TFAP2E: variants seen among roughly 807,000 people sequenced by gnomAD.
TFAP2E encodes the protein transcription factor AP-2 epsilon.
A neutral mutation model predicts 37.9 loss-of-function variants in TFAP2E; 30 were observed. The observed-to-expected ratio is 0.79, with a 90% CI of 0.59 to 1.07. TFAP2E has a LOEUF of 1.07. Ranked by LOEUF, TFAP2E falls within the 50% of genes least tolerant of loss-of-function variation. The probability of loss-of-function intolerance (pLI) is 0.00; values close to 1 mark genes in which losing one functional copy is unlikely to be tolerated. For synonymous variants in TFAP2E, 318 were observed against 295.8 expected, an observed-to-expected ratio of 1.08 and a Z score of -0.77; for missense variants, 567 against 637.9, an observed-to-expected ratio of 0.89 and a Z score of 1.20.
rs1395109503 is a variant in TFAP2E at position 35,574,426 on chromosome 1, C to T, written c.510+17C>T. The T allele has an allele frequency of 2.1e-6, 3 of 1,397,322 alleles. No homozygotes were observed. Among genetic ancestry groups the T allele is most frequent in the Non-Finnish European group, 9.2e-7 (1 of 1,083,332 alleles). 86.6% of individuals were successfully genotyped at this position (1,397,322 alleles called of 1,614,324 possible). On this transcript the variant is annotated intron_variant, in intron 2 of 6. Transcript: ENST00000373235. ...GACCTGCAGGTGAGACCCGAGGGAT[C>T]CGGGATGGGTCGGGACTGGCCGCGG...
In TFAP2E at chr1:35,577,111, A is replaced by T. The variant is rs1442969486; in HGVS notation, c.562+2111A>T. 6.6e-6 allele frequency among the ~76,000 whole-genome samples: 1 copy of T among 152,188 alleles called. No individual in the cohort carries two copies. The highest frequency in any genetic ancestry group is 1.5e-5 in the Non-Finnish European group (1 of 68,032). ...GACCTGAGCGGAGACTGCGCCCTGG[A>T]CGCCCCAGCCTAGACGTCAAGTTAC... On this transcript the variant is annotated intron_variant, in intron 3 of 6. Coordinates refer to ENST00000373235, the MANE Select transcript of TFAP2E (RefSeq NM_178548.4). The surrounding 1 kb of genome is among the most constrained non-coding windows in gnomAD (Gnocchi z 6.3).
chr1:35,578,889 C>A (rs1041388304), intron 3 of TFAP2E, among the ~76,000 whole-genome samples: 1 of 151,482 alleles, frequency 6.6e-6, no homozygotes, highest in Non-Finnish European at 1.5e-5. Context: ...TCGAGACCAG[C>A]CTGGCCAAGA....
Position 35,588,029 on chromosome 1 carries a change from C to T in TFAP2E, c.563-301C>T, listed in dbSNP as rs933516414. 2.0e-5 allele frequency among the ~76,000 whole-genome samples: 3 copies of T among 152,174 alleles called. No individual in the cohort carries two copies. Among genetic ancestry groups the T allele is most frequent in the Non-Finnish European group, 4.4e-5 (3 of 68,028 alleles). ...CCAGGGGTCCTGCCTCCAGCTCACA[C>T]TCATATCCTTACATCCAGGTCCCTC... is the stretch of plus-strand genomic sequence containing the variant. On this transcript the variant is annotated intron_variant, in intron 3 of 6. Transcript: ENST00000373235. The surrounding 1 kb of genome is among the most constrained non-coding windows in gnomAD (Gnocchi z 5.1).
chr1:35,574,556 C>T, intron 2 of TFAP2E, 147 bp downstream of exon 2: 7 of 1,319,744 alleles, frequency 5.3e-6, no homozygotes, highest in Non-Finnish European at 6.9e-6. Context: ...TGTCCCACCT[C>T]CTGGGTTAGA....
In TFAP2E at chr1:35,594,966, T is replaced by G. The variant is rs1200321111; in HGVS notation, c.*290T>G. Reference sequence around the variant, plus strand: ...GAAAATTGACATGAAAAGATCTGGCTCATGGGGCAGAGCCCTTTCCATTAG... The same window carrying G: ...GAAAATTGACATGAAAAGATCTGGCGCATGGGGCAGAGCCCTTTCCATTAG... On this transcript the variant is annotated 3_prime_UTR_variant, in exon 7 of 7. Coordinates refer to ENST00000373235, the MANE Select transcript of TFAP2E (RefSeq NM_178548.4). The G allele has an allele frequency of 2.2e-6, 1 of 462,402 alleles. No individual in the cohort carries two copies. The highest frequency in any genetic ancestry group is 4.3e-5 in the East Asian group (1 of 23,262). 28.6% of individuals were successfully genotyped at this position (462,402 alleles called of 1,614,324 possible). A position where few individuals can be genotyped will look rare whatever the true frequency, so the allele number is the denominator to read the frequency against.
chr1:35,582,838 T>C (rs904888215), intron 3 of TFAP2E, among the ~76,000 whole-genome samples: 5 of 152,158 alleles, frequency 3.3e-5, no homozygotes, highest in African/African-American at 1.2e-4. Flanking sequence ...TTCTTAATAA[T>C]ATCTTTTGAG....
At position 35,588,365 on chromosome 1, in the gene TFAP2E, C is replaced by A; in HGVS notation, c.598C>A (p.Leu200Ile). 1 of 1,613,608 alleles carries A rather than the reference C, an allele frequency of 6.2e-7. No individual in the cohort carries two copies. Residue 200 changes from leucine (L) to isoleucine (I), a missense_variant, in exon 4 of 7, where the codon CTC becomes ATC. Around this residue, in one of 3 missense-constraint regions of TFAP2E, gnomAD observed 312 missense variants for 317.4 expected, o/e 0.98. Coordinates refer to ENST00000373235, the MANE Select transcript of TFAP2E (RefSeq NM_178548.4). The surrounding 1 kb of genome is among the most constrained non-coding windows in gnomAD (Gnocchi z 5.1). ...IPSKASSLSA[L>I]SLAKDSLVGG... is the part of the protein sequence containing the mutation. ...CTCCAAAGCCAGCAGCCTCTCAGCC[C>A]TCTCCTTGGCCAAAGACAGCCTGGT...
rs372241020 is a variant in TFAP2E, at chr1:35,590,704, C to T, written c.975C>T (p.Ala325=). Residue 325 remains alanine (A), a synonymous_variant, in exon 6 of 7, where the codon GCC becomes GCT. Coordinates refer to ENST00000373235, the MANE Select transcript of TFAP2E (RefSeq NM_178548.4). This position sits in a 1 kb window ranked among gnomAD's most constrained non-coding sequence, Gnocchi z 6.2. The part of the protein sequence containing the change: ...CETEFPAKAA[A]EYLCRQHADP... ...CGGAGTTCCCAGCCAAGGCAGCTGC[C>T]GAGTACCTGTGCCGACAGCACGCTG... 47 of 1,556,446 alleles carry T rather than the reference C, an allele frequency of 3.0e-5. No individual in the cohort carries two copies. The highest frequency in any genetic ancestry group is 2.3e-4 in the African/African-American group (17 of 73,800).
In TFAP2E at chr1:35,574,386, GC is replaced by G. The variant is rs1240369152; in HGVS notation, c.492del (p.Gly165ValfsTer13). ...TCTCGGCCTTCCGGGGCTGGCGGCG[GC>G]CCCCGGTCTGGAGGACCTGCAGGTG... ...APLGLPGLAA[A>X]PGLEDLQAMD... On this transcript the variant is annotated frameshift_variant, in exon 2 of 7. Coordinates refer to ENST00000373235, the MANE Select transcript of TFAP2E (RefSeq NM_178548.4). LOFTEE classifies it high-confidence loss of function. 3.5e-5 allele frequency: 50 copies of G among 1,435,190 alleles called. No homozygotes were observed. Among genetic ancestry groups the G allele is most frequent in the Admixed American group, 1.5e-4 (5 of 32,592 alleles). The allele number at this position is 1,435,190 out of a possible 1,614,324, so 88.9% of individuals were successfully genotyped here. A position where few individuals can be genotyped will look rare whatever the true frequency, so the allele number is the denominator to read the frequency against.
Position 35,594,993 on chromosome 1 carries a change from G to T in TFAP2E, c.*317G>T. 1 of 368,904 alleles carries T rather than the reference G, an allele frequency of 2.7e-6. No individual in the cohort carries two copies. Among genetic ancestry groups the T allele is most frequent in the South Asian group, 3.0e-5 (1 of 32,916 alleles). The allele number at this position is 368,904 out of a possible 1,614,324, so 22.9% of individuals were successfully genotyped here. Reference sequence around the variant, plus strand: ...ATGGGGCAGAGCCCTTTCCATTAGCGTGGCTGGGTGGCCGTGGGTGCTTCT... The same window carrying T: ...ATGGGGCAGAGCCCTTTCCATTAGCTTGGCTGGGTGGCCGTGGGTGCTTCT... On this transcript the variant is annotated 3_prime_UTR_variant, in exon 7 of 7. Coordinates refer to ENST00000373235, the MANE Select transcript of TFAP2E (RefSeq NM_178548.4).
intron 6 of TFAP2E, among the ~76,000 whole-genome samples, chr1:35,592,961 T>A (rs554744442): frequency 4.9e-4 from 75 of 152,150 alleles, no homozygotes; most frequent in African/African-American, 1.7e-3. Flanking sequence ...AATTTCAACA[T>A]ACGAATTTTG....
chr1:35,591,051 A>G (rs1460654747), intron 6 of TFAP2E, among the ~76,000 whole-genome samples: 5 of 152,006 alleles, frequency 3.3e-5, no homozygotes, highest in Non-Finnish European at 7.4e-5. Context: ...GAGCACACAC[A>G]CGTACCTGCG....
intron 3 of TFAP2E, among the ~76,000 whole-genome samples, chr1:35,584,701 CTAATTTTTG>C (rs1649437566): frequency 6.6e-6 from 1 of 151,556 alleles, no homozygotes; most frequent in Admixed American, 6.6e-5. Flanking sequence ...TCACGCCGGG[CTAATTTTTG>C]TATTTTTTGT....
chr1:35,591,718 C>T (rs1434424904), intron 6 of TFAP2E, among the ~76,000 whole-genome samples: 12 of 152,206 alleles, frequency 7.9e-5, no homozygotes, highest in Admixed American at 7.9e-4. Context: ...TGGAGTTTCG[C>T]TCTTGTTTCC....
intron 3 of TFAP2E, among the ~76,000 whole-genome samples, chr1:35,580,672 G>A (rs1649324090): frequency 6.6e-6 from 1 of 152,056 alleles, no homozygotes; most frequent in Admixed American, 6.5e-5. Context: ...CTACTCGGGA[G>A]GCTGAGGCAG....
rs184864003 is a variant in TFAP2E, at chr1:35,593,357, T to C, written c.1047-1037T>C. Among the ~76,000 whole-genome samples the C allele has an allele frequency of 2.3e-3, 355 of 152,234 alleles. 3 individuals carry two copies. The highest frequency in any genetic ancestry group is 4.0e-3 in the Non-Finnish European group (274 of 67,990). ...GAGAGATAAATCTGAGAACTACCAG[T>C]TGGTAGGCTAAAGTTCAAACTCTTT... On this transcript the variant is annotated intron_variant, in intron 6 of 6. Transcript: ENST00000373235.
rs1649081898 is a variant in TFAP2E at position 35,573,829 on chromosome 1, GACTGCA to G, written c.28-97_28-92del. 1.4e-6 allele frequency: 2 copies of G among 1,385,194 alleles called. No homozygotes were observed. Among genetic ancestry groups the G allele is most frequent in the Non-Finnish European group, 1.9e-6 (2 of 1,070,992 alleles). The allele number at this position is 1,385,194 out of a possible 1,614,324, so 85.8% of individuals were successfully genotyped here. On this transcript the variant is annotated intron_variant, in intron 1 of 6. Coordinates refer to ENST00000373235, the MANE Select transcript of TFAP2E (RefSeq NM_178548.4). The surrounding 1 kb of genome is among the most constrained non-coding windows in gnomAD (Gnocchi z 5.9). ...ACCTCGGGCCCCAAGAAACGGGAGG[GACTGCA>G]GCTGAACCCTCCCGAGCTGAGGAGG...
chr1:35,581,974 C>T (rs1465981376), intron 3 of TFAP2E, among the ~76,000 whole-genome samples: 3 of 152,046 alleles, frequency 2.0e-5, no homozygotes, highest in Non-Finnish European at 4.4e-5. Context: ...CTCCTGGGTT[C>T]AAGCAATTCT....
rs1649618965 is a variant in TFAP2E at position 35,590,247 on chromosome 1, T to A, written c.904+199T>A. ...TGTGTAGTCCTTGTACATGTGTGCA[T>A]GCATGTGCAATGGAGACCTACTTGC... On this transcript the variant is annotated intron_variant, in intron 5 of 6. Coordinates refer to ENST00000373235, the MANE Select transcript of TFAP2E (RefSeq NM_178548.4). This position sits in a 1 kb window ranked among gnomAD's most constrained non-coding sequence, Gnocchi z 6.2. Among the ~76,000 whole-genome samples, 1 of 152,180 alleles carries A rather than the reference T, an allele frequency of 6.6e-6. No homozygotes were observed. Among genetic ancestry groups the A allele is most frequent in the African/African-American group, 2.4e-5 (1 of 41,448 alleles).
Sources: gnomAD v4.1 joint callset for allele counts (sites outside exome capture counted in the v4.1 genomes callset) on GRCh38, gnomAD v4.1.1 for gene constraint, gnomAD v4.1.1 regional missense constraint, Gnocchi (gnomAD v3.1) non-coding constraint, MANE v1.5 for transcripts, NCBI Gene and HGNC (gene_info 2026-07-23, HGNC 2026-07-21) for gene names.